Variants in KIF24 observed in about 807,000 individuals in gnomAD.
The protein encoded by KIF24 is kinesin-like protein KIF24.
KIF24 carries 81 observed loss-of-function variants against 118.9 expected under a neutral mutation model. That is an observed-to-expected ratio of 0.68 (90% CI 0.57 to 0.82). The LOEUF is 0.82. KIF24 is among the 40% of genes least tolerant of loss of function. The pLI is 0.00. For missense variants in KIF24, 1,560 were observed against 1,661.6 expected (o/e 0.94, Z 1.06); for synonymous variants, 599 against 610.0 (o/e 0.98, Z 0.27).
intron 1 of KIF24, among the ~76,000 whole-genome samples, chr9:34,312,784 C>A (rs566393349): frequency 1.3e-5 from 2 of 152,070 alleles, no homozygotes. Flanking sequence ...CTGCAACTTC[C>A]GCCTCCAGGT....
At position 34,290,310 on chromosome 9, in the gene KIF24, C is replaced by T; in HGVS notation, c.991G>A (p.Gly331Arg). 3 of 1,613,938 alleles carry T rather than the reference C, an allele frequency of 1.9e-6. No individual in the cohort carries two copies. Among genetic ancestry groups the T allele is most frequent in the Non-Finnish European group, 2.5e-6 (3 of 1,179,848 alleles). ...YTMIGTHENP[G>R]LYALAAKDIF... ...TCTTTGGCAGCTAGAGCATACAATC[C>T]TGGGTTCTCATGAGTTCCTATCATG... Residue 331 changes from glycine (G) to arginine (R), a missense_variant, in exon 5 of 13, where the codon GGA becomes AGA. By Grantham distance (125) the Gly-to-Arg change is moderately radical. Transcript: ENST00000402558.
chr9:34,306,200 A>G, intron 3 of KIF24, 52 bp downstream of exon 3: 1 of 1,280,844 alleles, frequency 7.8e-7, no homozygotes, highest in Non-Finnish European at 1.1e-6. Flanking sequence ...AAGCAAAAAA[A>G]AATGACATAC....
rs111618940 is a variant in KIF24, at chr9:34,326,947, C to CAA, written c.-26+2157_-26+2158dup. Among the ~76,000 whole-genome samples the CAA allele has an allele frequency of 9.5e-4, 143 of 150,462 alleles. 1 individual carries two copies. The East Asian group carries it at 0.018, about 19-fold the overall frequency. On this transcript the variant is annotated intron_variant, in intron 1 of 12. Transcript: ENST00000402558. Reference sequence around the variant, plus strand: ...TTAGGAAGCTACTGCACTGAACTGACAAAAAAAAATGCTGACTTGGAAAAA... The same window carrying CAA: ...TTAGGAAGCTACTGCACTGAACTGACAAAAAAAAAAATGCTGACTTGGAAAAA...
intron 10 of KIF24, among the ~76,000 whole-genome samples, chr9:34,258,394 C>G (rs1428509581): frequency 6.6e-6 from 1 of 152,134 alleles, no homozygotes; most frequent in African/African-American, 2.4e-5. Flanking sequence ...TGCTTGAGCC[C>G]TGGAGTTCAA....
In KIF24 at chr9:34,306,447, A is replaced by G. The variant is rs1836923070; in HGVS notation, c.624-6T>C. On this transcript the variant is annotated splice_polypyrimidine_tract_variant and splice_region_variant and intron_variant, in intron 2 of 12. Transcript: ENST00000402558. ...GTTTCTCTGAAGTGTTCTGTCTAAT[A>G]TGTTTATAAACAGGCTTTTAATTTT... 2 of 1,560,946 alleles carry G rather than the reference A, an allele frequency of 1.3e-6. No homozygotes were observed. The highest frequency in any genetic ancestry group is 1.7e-6 in the Non-Finnish European group (2 of 1,150,742).
chr9:34,288,000 C>G (rs1245031393), intron 5 of KIF24, among the ~76,000 whole-genome samples: 2 of 151,916 alleles, frequency 1.3e-5, no homozygotes, highest in Non-Finnish European at 2.9e-5. Flanking sequence ...CTGAGCCCAC[C>G]CCAGAAAGAT....
rs75766684 is a variant in KIF24 at position 34,264,120 on chromosome 9, T to C, written c.1444-948A>G. Among the ~76,000 whole-genome samples, 581 of 151,648 alleles carry C rather than the reference T, an allele frequency of 3.8e-3. 4 individuals carry two copies. Among genetic ancestry groups the C allele is most frequent in the African/African-American group, 0.014 (564 of 41,348 alleles). Reference sequence around the variant, plus strand: ...TGAGTGATGCATCTAGGCTAAAAGATAGTAAAAGAAAAGAAAAGGAGCTGG... The same window carrying C: ...TGAGTGATGCATCTAGGCTAAAAGACAGTAAAAGAAAAGAAAAGGAGCTGG... On this transcript the variant is annotated intron_variant, in intron 8 of 12. Coordinates refer to ENST00000402558, the MANE Select transcript of KIF24 (RefSeq NM_194313.4).
At chr9:34,262,970 C>G in intron 9 of KIF24, 131 bp downstream of exon 9, 1 of 677,616 alleles carries the variant, frequency 1.5e-6, no homozygotes, top group Non-Finnish European at 2.7e-6. Flanking sequence ...TCACTCCTCT[C>G]CTTCTCTTTT....
intron 3 of KIF24, among the ~76,000 whole-genome samples, chr9:34,299,829 T>C (rs1200349654): frequency 6.7e-6 from 1 of 150,040 alleles, no homozygotes; most frequent in Non-Finnish European, 1.5e-5. Context: ...TGTGCGTGTG[T>C]GTGTGTGTGT....
chr9:34,269,318 G>T lies in KIF24; in HGVS notation c.1382C>A (p.Ala461Glu). 1 of 1,611,620 alleles carries T rather than the reference G, an allele frequency of 6.2e-7. No homozygotes were observed. The highest frequency in any genetic ancestry group is 8.5e-7 in the Non-Finnish European group (1 of 1,178,272). Reference protein sequence around the residue: ...DLAGSERAADARDSDRQTKME... With the variant: ...DLAGSERAADERDSDRQTKME... ...CTTTGTCTGTCTATCTGAGTCCCTTGCATCTGCTGCTCTTTCACTGCCAGC... is the reference window on the plus strand; with the variant it reads ...CTTTGTCTGTCTATCTGAGTCCCTTTCATCTGCTGCTCTTTCACTGCCAGC... The change falls in exon 8 of 13, where the codon GCA (alanine) becomes GAA (glutamate). Residue 461 changes from alanine (A) to glutamate (E), a missense_variant. Transcript: ENST00000402558.
At chr9:34,291,431 T>C (rs1249287645) in intron 4 of KIF24, among the ~76,000 whole-genome samples, 1 of 152,242 alleles carries the variant, frequency 6.6e-6, no homozygotes, top group East Asian at 1.9e-4. Context: ...TCTCTGTGCC[T>C]CAGTTTTCAC....
chr9:34,333,286 T>C (rs1837997683), upstream of KIF24, among the ~76,000 whole-genome samples: 1 of 151,988 alleles, frequency 6.6e-6, no homozygotes, highest in Non-Finnish European at 1.5e-5. Flanking sequence ...TTGGTGGAAA[T>C]GATCCCAGCT....
chr9:34,303,095 T>C (rs1836787013), intron 3 of KIF24, among the ~76,000 whole-genome samples: 1 of 151,802 alleles, frequency 6.6e-6, no homozygotes, highest in Non-Finnish European at 1.5e-5. Flanking sequence ...TTTTAATTTT[T>C]ACAGAGACAG....
In KIF24 at chr9:34,286,667, T is replaced by C. The variant is rs749508075; in HGVS notation, c.1165A>G (p.Ile389Val). The change falls in exon 6 of 13, where the codon ATA becomes GTA. Residue 389 changes from isoleucine to valine, a missense_variant. This residue lies in a region of KIF24 where 964 missense variants were observed against 988.0 expected (regional missense o/e 0.98). Coordinates refer to ENST00000402558, the MANE Select transcript of KIF24 (RefSeq NM_194313.4). Reference protein sequence around the residue: ...AREDSKHMVQIVGLQELQVDS... With the variant: ...AREDSKHMVQVVGLQELQVDS... ...ACCTGAAGCTCTTGCAGTCCCACTA[T>C]CTGCACCATGTGCTTGCTATCTTCT... The C allele has an allele frequency of 6.2e-7, 1 of 1,613,602 alleles. No individual in the cohort carries two copies. The highest frequency in any genetic ancestry group is 2.2e-5 in the East Asian group (1 of 44,896).
intron 3 of KIF24, among the ~76,000 whole-genome samples, chr9:34,303,817 C>G (rs946264030): frequency 1.3e-5 from 2 of 152,292 alleles, no homozygotes; most frequent in African/African-American, 4.8e-5. Context: ...CCACTGCACT[C>G]CAGCCTGGGC....
chr9:34,286,724 GT>G lies in KIF24; in HGVS notation c.1128-21del. ...AAGAGCCTGCAGATGCAAGAAAGTG[GT>G]TGGTATGATGGTGCTACTAAAACAG... On this transcript the variant is annotated intron_variant, in intron 5 of 12. Coordinates refer to ENST00000402558, the MANE Select transcript of KIF24 (RefSeq NM_194313.4). The G allele has an allele frequency of 6.4e-7, 1 of 1,565,754 alleles. No individual in the cohort carries two copies. Among genetic ancestry groups the G allele is most frequent in the Non-Finnish European group, 8.8e-7 (1 of 1,136,772 alleles).
chr9:34,275,051 A>G (rs1835608567), intron 6 of KIF24, among the ~76,000 whole-genome samples: 1 of 152,148 alleles, frequency 6.6e-6, no homozygotes, highest in African/African-American at 2.4e-5. Flanking sequence ...AAAAAGAAAT[A>G]ATGAATAAGA....
chr9:34,303,083 T>C (rs1587957648), intron 3 of KIF24, among the ~76,000 whole-genome samples: 1 of 152,138 alleles, frequency 6.6e-6, no homozygotes, highest in South Asian at 2.1e-4. Flanking sequence ...CTAATTTTTT[T>C]TTTTTAATTT....
At chr9:34,302,883 C>A (rs936526036) in intron 3 of KIF24, among the ~76,000 whole-genome samples, 5 of 151,432 alleles carry the variant, frequency 3.3e-5, no homozygotes, top group African/African-American at 1.2e-4. Flanking sequence ...TCACGCCATT[C>A]TCCTGCCTCA....
Sources: gnomAD v4.1 joint callset for allele counts (sites outside exome capture counted in the v4.1 genomes callset) on GRCh38, gnomAD v4.1.1 for gene constraint, gnomAD v4.1.1 regional missense constraint, MANE v1.5 for transcripts, NCBI Gene and HGNC (gene_info 2026-07-23, HGNC 2026-07-21) for gene names.